Variants in NUP62CL observed in about 807,000 individuals in gnomAD.
NUP62CL encodes the protein nucleoporin 62 C-terminal like, also known as nucleoporin-62 C-terminal-like protein.
NUP62CL carries 13 observed loss-of-function variants against 15.3 expected under a neutral mutation model. The ratio of observed to expected loss-of-function variants is 0.85; its 90% CI spans 0.55 to 1.35. The LOEUF (loss-of-function observed/expected upper bound fraction) is 1.35. NUP62CL is among the 40% of genes most tolerant of loss of function. NUP62CL has a pLI of 0.00. For synonymous variants in NUP62CL, 54 were observed against 49.2 expected, an observed-to-expected ratio of 1.10 and a Z score of -0.41; for missense variants, 123 against 130.6, an observed-to-expected ratio of 0.94 and a Z score of 0.28.
chrX:107,135,731 GTAGTCCTCCCT>G lies in NUP62CL; in HGVS notation c.*43-11410_*43-11400del, dbSNP rs201877953. Among the ~76,000 whole-genome samples, 804 of 111,757 alleles carry G rather than the reference GTAGTCCTCCCT, an allele frequency of 7.2e-3. 6 individuals are homozygous for G. The highest frequency in any genetic ancestry group is 0.023 in the Middle Eastern group (5 of 217). On this transcript the variant is annotated intron_variant, in intron 8 of 8. Coordinates refer to ENST00000372466, the MANE Select transcript of NUP62CL (RefSeq NM_017681.3). ...TAAATAAATAAATAAGGAGAATGCA[GTAGTCCTCCCT>G]TAGGCATGGTTTCACTTTACGTGAT...
chrX:107,148,709 A>G (rs747555425), intron 7 of NUP62CL, among the ~76,000 whole-genome samples: 2 of 111,537 alleles, frequency 1.8e-5, no homozygotes, highest in South Asian at 7.5e-4. Context: ...AGAAAATGTG[A>G]CTGAATAACA....
rs752648765 is a variant in NUP62CL at position 107,189,030 on chromosome X, T to TAAGA, written c.-48+3995_-48+3998dup. 1.3e-4 allele frequency among the ~76,000 whole-genome samples: 15 copies of TAAGA among 111,952 alleles called. No homozygotes were observed. In the South Asian group the frequency reaches 4.9e-3, roughly 36 times the overall value. ...CTCACTAAAAAAAGACATGAACTGATAAGATATACAGATGATAAGTACAGG... is the reference window on the plus strand; with the variant it reads ...CTCACTAAAAAAAGACATGAACTGATAAGAAAGATATACAGATGATAAGTACAGG... On this transcript the variant is annotated intron_variant, in intron 2 of 8. Transcript: ENST00000372466.
chrX:107,185,574 C>T (rs5962799), intron 2 of NUP62CL, among the ~76,000 whole-genome samples: 34,015 of 108,952 alleles, frequency 0.31, 5,064 homozygotes, highest in African/African-American at 0.56. Context: ...CTAGAGTGAC[C>T]GTAAAAGCTA....
chrX:107,142,462 T>G (rs1266620836), intron 8 of NUP62CL, among the ~76,000 whole-genome samples: 1 of 112,127 alleles, frequency 8.9e-6, no homozygotes, highest in Non-Finnish European at 1.9e-5. Context: ...TTCTATTCCT[T>G]AAGAGACTGC....
At chrX:107,166,994 T>C (rs962529638) in intron 4 of NUP62CL, among the ~76,000 whole-genome samples, 5 of 111,831 alleles carry the variant, frequency 4.5e-5, no homozygotes, top group African/African-American at 1.6e-4. Context: ...ATTTTGACTG[T>C]AGCAATATCA....
At chrX:107,194,120 A>G (rs910696641) in intron 1 of NUP62CL, among the ~76,000 whole-genome samples, 1 of 111,113 alleles carries the variant, frequency 9.0e-6, no homozygotes, top group South Asian at 3.8e-4. Flanking sequence ...AGAAGCTCCA[A>G]TATATATCCA....
chrX:107,185,196 C>CAAAAA (rs3072235), intron 2 of NUP62CL, among the ~76,000 whole-genome samples: 475 of 20,940 alleles, frequency 0.023, 77 homozygotes, highest in African/African-American at 0.032. Flanking sequence ...GACTCCGTCT[C>CAAAAA]AAAAAAAAAA....
intron 8 of NUP62CL, among the ~76,000 whole-genome samples, chrX:107,127,034 A>G (rs747226734): frequency 9.1e-6 from 1 of 109,735 alleles, no homozygotes; most frequent in African/African-American, 3.3e-5. Flanking sequence ...CTCTGTCTCA[A>G]AAAAAAAAAA....
chrX:107,174,086 C>A (rs866997342), intron 3 of NUP62CL, among the ~76,000 whole-genome samples: 1 of 73,740 alleles, frequency 1.4e-5, no homozygotes, highest in Non-Finnish European at 2.6e-5. Flanking sequence ...TCTCTCCCTC[C>A]CTCCCTTTCT....
intron 4 of NUP62CL, among the ~76,000 whole-genome samples, chrX:107,155,152 C>T (rs1926145060): frequency 8.9e-6 from 1 of 112,062 alleles, no homozygotes; most frequent in Non-Finnish European, 1.9e-5. Context: ...CATCCACTGG[C>T]AAAGCCAAGA....
chrX:107,146,594 T>C (rs1925888529), intron 8 of NUP62CL, among the ~76,000 whole-genome samples: 1 of 111,917 alleles, frequency 8.9e-6, no homozygotes, highest in South Asian at 3.7e-4. Flanking sequence ...TCATTCCTTC[T>C]TTCAATAATT....
At position 107,149,748 on chromosome X, in the gene NUP62CL, T is replaced by C. The variant is rs141602002; in HGVS notation, c.531-1939A>G. On this transcript the variant is annotated intron_variant, in intron 7 of 8. Coordinates refer to ENST00000372466, the MANE Select transcript of NUP62CL (RefSeq NM_017681.3). ...TCATTCATCTTCACCTACCCGATCC[T>C]GGCCTCACTCCTGATTATGATTAAC... Among the ~76,000 whole-genome samples the C allele has an allele frequency of 2.7e-3, 297 of 111,842 alleles. 1 individual carries two copies. Among genetic ancestry groups the C allele is most frequent in the Middle Eastern group, 9.2e-3 (2 of 218 alleles).
At chrX:107,179,792 T>C (rs1162279697) in intron 2 of NUP62CL, among the ~76,000 whole-genome samples, 1 of 112,280 alleles carries the variant, frequency 8.9e-6, no homozygotes, top group South Asian at 3.7e-4. Flanking sequence ...CTGAGAAATC[T>C]CCATATTGTT....
chrX:107,134,806 T>G (rs1285602338), intron 8 of NUP62CL, among the ~76,000 whole-genome samples: 1 of 112,222 alleles, frequency 8.9e-6, no homozygotes, highest in African/African-American at 3.2e-5. Context: ...CTTACCTTGA[T>G]AAAAAGCATT....
At position 107,187,966 on chromosome X, in the gene NUP62CL, T is replaced by C. The variant is rs747973166; in HGVS notation, c.-48+5063A>G. 5.3e-5 allele frequency among the ~76,000 whole-genome samples: 6 copies of C among 112,641 alleles called. No individual in the cohort carries two copies. The South Asian group carries it at 1.5e-3, about 27-fold the overall frequency. ...CAATTAACGAATTTGAATTCATAAA[T>C]GTGAAAACTCCCAAAAATCAATCTC... is the stretch of plus-strand genomic sequence containing the variant. On this transcript the variant is annotated intron_variant, in intron 2 of 8. Transcript: ENST00000372466.
At chrX:107,131,573 G>T in intron 8 of NUP62CL, 1 of 408,349 alleles carries the variant, frequency 2.4e-6, no homozygotes, top group Non-Finnish European at 4.3e-6. Flanking sequence ...GAGAATGTAG[G>T]GCCGGTACTC....
chrX:107,170,599 A>T (rs1407033699), intron 3 of NUP62CL, among the ~76,000 whole-genome samples: 1 of 110,531 alleles, frequency 9.0e-6, no homozygotes, highest in East Asian at 2.8e-4. Context: ...TTTTTAGTAC[A>T]GACGGGGTTT....
chrX:107,178,455 T>C (rs1926836686), intron 2 of NUP62CL, among the ~76,000 whole-genome samples: 1 of 112,643 alleles, frequency 8.9e-6, no homozygotes, highest in Admixed American at 9.4e-5. Flanking sequence ...GCAAAGTTCA[T>C]ATCTTTTCAT....
At chrX:107,199,848 T>C (rs1279893796) in intron 1 of NUP62CL, among the ~76,000 whole-genome samples, 31 of 112,239 alleles carry the variant, frequency 2.8e-4, no homozygotes, top group African/African-American at 7.8e-4. Flanking sequence ...TACCAAGATA[T>C]AAAGTCTTCC....
Sources: allele counts gnomAD v4.1 joint callset (sites outside exome capture counted in the v4.1 genomes callset), GRCh38; gene constraint gnomAD v4.1.1; transcripts MANE v1.5; gene names NCBI Gene and HGNC (gene_info 2026-07-23, HGNC 2026-07-21).